EXOC4: variants seen among roughly 807,000 people sequenced by gnomAD.
EXOC4 encodes the protein exocyst complex component 4.
In EXOC4, 71 loss-of-function variants were observed where a neutral mutation model predicts 107.2. That is an observed-to-expected ratio of 0.66 (90% CI 0.55 to 0.81). The LOEUF (loss-of-function observed/expected upper bound fraction) is 0.81, where lower values mean the gene tolerates loss of function less well. EXOC4 is among the 30% of genes least tolerant of loss of function. The pLI is 0.00. For synonymous variants in EXOC4, 456 were observed against 441.2 expected, an observed-to-expected ratio of 1.03 and a Z score of -0.42; for missense variants, 1,108 against 1,189.6, an observed-to-expected ratio of 0.93 and a Z score of 1.01.
intron 17 of EXOC4, among the ~76,000 whole-genome samples, chr7:134,011,821 C>A (rs1794772879): frequency 6.7e-6 from 1 of 148,536 alleles, no homozygotes; most frequent in African/African-American, 2.5e-5. Flanking sequence ...GGGGAGGGGA[C>A]CAGAGGGTGC....
intron 1 of EXOC4, among the ~76,000 whole-genome samples, chr7:133,259,921 T>TC (rs1441046391): frequency 1.3e-5 from 2 of 152,204 alleles, no homozygotes; most frequent in Non-Finnish European, 2.9e-5. Flanking sequence ...GATGAATTTT[T>TC]ACCTGTGTAA....
At chr7:133,984,249 C>G (rs73156971) in intron 14 of EXOC4, among the ~76,000 whole-genome samples, 4,068 of 152,278 alleles carry the variant, frequency 0.027, 79 homozygotes, top group Non-Finnish European at 0.044. Context: ...TCTTGGCTCA[C>G]GACTGGCCTC....
At chr7:133,302,112 C>G (rs1274042368) in intron 3 of EXOC4, among the ~76,000 whole-genome samples, 1 of 152,194 alleles carries the variant, frequency 6.6e-6, no homozygotes, top group South Asian at 2.1e-4. Context: ...TGATTATATA[C>G]ATTTTAACTG....
intron 9 of EXOC4, among the ~76,000 whole-genome samples, chr7:133,604,148 C>T (rs1801875952): frequency 6.6e-6 from 1 of 152,110 alleles, no homozygotes; most frequent in African/African-American, 2.4e-5. Flanking sequence ...TCTTCAGGGA[C>T]AATATCATGC....
intron 11 of EXOC4, among the ~76,000 whole-genome samples, chr7:133,883,279 T>A (rs1399236876): frequency 6.6e-6 from 1 of 152,022 alleles, no homozygotes; most frequent in Non-Finnish European, 1.5e-5. Context: ...CCACAATTTC[T>A]TTGCCCACTT....
rs545331505 is a variant in EXOC4 at position 133,882,387 on chromosome 7, C to G, written c.1735-13212C>G. Among the ~76,000 whole-genome samples, 35 of 152,240 alleles carry G rather than the reference C, an allele frequency of 2.3e-4. No homozygotes were observed. In the South Asian group the frequency reaches 7.3e-3, roughly 32 times the overall value. On this transcript the variant is annotated intron_variant, in intron 11 of 17. Coordinates refer to ENST00000253861, the MANE Select transcript of EXOC4 (RefSeq NM_021807.4). ...GCCTTCTGATAGGTGATGAATTGAT[C>G]TTAATATAGGATGTACTTAACTTTA...
chr7:133,954,957 C>T (rs968918501), intron 14 of EXOC4, among the ~76,000 whole-genome samples: 6 of 152,220 alleles, frequency 3.9e-5, no homozygotes, highest in Non-Finnish European at 5.9e-5. Flanking sequence ...CGGTGGTACA[C>T]GGAAGTTTGG....
At position 133,261,424 on chromosome 7, in the gene EXOC4, G is replaced by A. The variant is rs149999208; in HGVS notation, c.86+8237G>A. Among the ~76,000 whole-genome samples the A allele has an allele frequency of 8.4e-3, 1,278 of 151,948 alleles. 12 individuals carry two copies. Among genetic ancestry groups the A allele is most frequent in the African/African-American group, 0.029 (1,187 of 41,440 alleles). On this transcript the variant is annotated intron_variant, in intron 1 of 17. Transcript: ENST00000253861. ...TGAGACTATAGTTGTGTGCCACTGC[G>A]CCCGGCTAATTTTCATATATATTTT...
intron 7 of EXOC4, among the ~76,000 whole-genome samples, chr7:133,436,077 A>T (rs1584915935): frequency 6.8e-6 from 1 of 146,236 alleles, no homozygotes; most frequent in East Asian, 2.0e-4. Flanking sequence ...TTTAAAGGAG[A>T]TAGAATTTGC....
intron 11 of EXOC4, among the ~76,000 whole-genome samples, chr7:133,841,675 T>C (rs889774299): frequency 2.6e-5 from 4 of 152,190 alleles, no homozygotes; most frequent in African/African-American, 9.6e-5. Context: ...TAAACTGTTA[T>C]TTTAGGTTCA....
At chr7:133,971,734 C>T (rs1801243979) in intron 14 of EXOC4, among the ~76,000 whole-genome samples, 1 of 152,108 alleles carries the variant, frequency 6.6e-6, no homozygotes, top group Admixed American at 6.6e-5. Context: ...GGTTAGTGTA[C>T]ACACACCAAG....
chr7:133,737,909 C>CTTTTTTTTTTTTTT (rs10673346), intron 10 of EXOC4, among the ~76,000 whole-genome samples: 19 of 89,320 alleles, frequency 2.1e-4, no homozygotes, highest in East Asian at 4.1e-4. Flanking sequence ...ATTTTTCTTT[C>CTTTTTTTTTTTTTT]TTTTTTTTTT....
chr7:133,399,573 G>A (rs907014754), intron 7 of EXOC4, among the ~76,000 whole-genome samples: 2 of 152,184 alleles, frequency 1.3e-5, no homozygotes, highest in Admixed American at 6.5e-5. Context: ...TGTTCCAAAA[G>A]TGTTATCTTA....
intron 1 of EXOC4, among the ~76,000 whole-genome samples, chr7:133,267,363 C>A (rs1424725431): frequency 6.6e-6 from 1 of 152,178 alleles, no homozygotes; most frequent in African/African-American, 2.4e-5. Context: ...TCTCTAAAGC[C>A]ACATTGACCT....
chr7:133,972,060 C>T (rs866688710), intron 14 of EXOC4, among the ~76,000 whole-genome samples: 1 of 114 alleles, frequency 8.8e-3, no homozygotes, highest in African/African-American at 0.062. Context: ...TAGCCCTGTA[C>T]ATGGTACCTT....
At chr7:133,917,764 C>A (rs752498614) in intron 13 of EXOC4, 26 bp downstream of exon 13, 1 of 1,606,886 alleles carries the variant, frequency 6.2e-7, no homozygotes, top group Non-Finnish European at 8.5e-7. Flanking sequence ...TCTAAGTTGT[C>A]CTAAACATAG....
chr7:133,713,067 C>T (rs1281532075), intron 10 of EXOC4, among the ~76,000 whole-genome samples: 1 of 152,058 alleles, frequency 6.6e-6, no homozygotes, highest in East Asian at 1.9e-4. Context: ...GTACTAGGTG[C>T]CCCTGAACTG....
chr7:133,443,780 A>G (rs558238129), intron 7 of EXOC4, among the ~76,000 whole-genome samples: 1 of 152,276 alleles, frequency 6.6e-6, no homozygotes, highest in East Asian at 1.9e-4. Context: ...ATTCCCAGAA[A>G]GGTCATTTGG....
chr7:133,585,842 C>T (rs1055873732), intron 9 of EXOC4, among the ~76,000 whole-genome samples: 3 of 151,996 alleles, frequency 2.0e-5, no homozygotes, highest in Non-Finnish European at 4.4e-5. Flanking sequence ...TACAGGCATG[C>T]ACCACCACAC....
Sources: gnomAD v4.1 joint callset for allele counts (sites outside exome capture counted in the v4.1 genomes callset) on GRCh38, gnomAD v4.1.1 for gene constraint, MANE v1.5 for transcripts, NCBI Gene and HGNC (gene_info 2026-07-23, HGNC 2026-07-21) for gene names.